Variants in SLIT2 observed in about 807,000 individuals in gnomAD.
SLIT2 encodes the protein slit homolog 2 protein.
Under a neutral mutation model 185.7 loss-of-function variants are expected in SLIT2, and 41 were observed. That is an observed-to-expected ratio of 0.22 (90% CI 0.17 to 0.29). The LOEUF is 0.29. Ranked by LOEUF, SLIT2 falls within the 10% of genes least tolerant of loss-of-function variation. The pLI, the probability that SLIT2 is intolerant of heterozygous loss-of-function variation, is 1.00. For synonymous variants in SLIT2, 693 were observed against 680.2 expected, an observed-to-expected ratio of 1.02 and a Z score of -0.29; for missense variants, 1,571 against 1,909.0, an observed-to-expected ratio of 0.82 and a Z score of 3.30.
chr4:20,472,572 A>ATATATC (rs1223064343), intron 5 of SLIT2, among the ~76,000 whole-genome samples: 2 of 19,178 alleles, frequency 1.0e-4, no homozygotes, highest in Non-Finnish European at 1.5e-4. Context: ...ATCTATATAT[A>ATATATC]GATATATCTA....
intron 34 of SLIT2, among the ~76,000 whole-genome samples, chr4:20,613,649 A>G (rs1729416119): frequency 6.6e-6 from 1 of 152,014 alleles, no homozygotes; most frequent in South Asian, 2.1e-4. Flanking sequence ...CACATAATAC[A>G]CTGTTGGTGG....
intron 4 of SLIT2, among the ~76,000 whole-genome samples, chr4:20,391,208 G>C (rs1725387577): frequency 6.6e-6 from 1 of 151,894 alleles, no homozygotes; most frequent in Non-Finnish European, 1.5e-5. Flanking sequence ...GTTTCTCCAG[G>C]CTTCTCTGGT....
chr4:20,384,948 T>C (rs914708737), intron 4 of SLIT2, among the ~76,000 whole-genome samples: 2 of 152,172 alleles, frequency 1.3e-5, no homozygotes, highest in African/African-American at 4.8e-5. Context: ...GCATCAAAAA[T>C]TGGAATGCCG....
chr4:20,522,880 G>A (rs896331237), intron 12 of SLIT2, among the ~76,000 whole-genome samples: 2 of 152,092 alleles, frequency 1.3e-5, no homozygotes, highest in African/African-American at 4.8e-5. Context: ...TAGACATATG[G>A]ATGATTTACT....
intron 33 of SLIT2, among the ~76,000 whole-genome samples, chr4:20,607,993 G>C (rs932140639): frequency 9.2e-5 from 14 of 151,978 alleles, no homozygotes; most frequent in African/African-American, 3.4e-4. Flanking sequence ...ATTTCTGCCA[G>C]CCTTTAACAT....
chr4:20,437,968 C>G (rs1729471600), intron 4 of SLIT2, among the ~76,000 whole-genome samples: 1 of 151,502 alleles, frequency 6.6e-6, no homozygotes. Flanking sequence ...TGACTCCCCT[C>G]TTTACCTCAT....
At chr4:20,467,960 A>C (rs933967101) in intron 5 of SLIT2, 137 bp downstream of exon 5, 3 of 462,908 alleles carry the variant, frequency 6.5e-6, no homozygotes, top group Middle Eastern at 5.7e-4. Flanking sequence ...ACCTTGTAAC[A>C]GTAAGTTGTC....
chr4:20,506,359 ACTAT>A (rs1173252875), intron 9 of SLIT2, among the ~76,000 whole-genome samples: 2 of 152,020 alleles, frequency 1.3e-5, no homozygotes, highest in African/African-American at 4.8e-5. Context: ...TAGCGATTAT[ACTAT>A]CTATTTTTGG....
intron 25 of SLIT2, chr4:20,552,463 T>C (rs1723852915): frequency 6.6e-6 from 1 of 151,976 alleles, no homozygotes; most frequent in Admixed American, 6.6e-5. Flanking sequence ...CAGGTTTGTT[T>C]GTGCCTTGTC....
At chr4:20,611,475 A>G (rs919684144) in intron 34 of SLIT2, among the ~76,000 whole-genome samples, 13 of 152,372 alleles carry the variant, frequency 8.5e-5, no homozygotes, top group South Asian at 4.1e-4. Context: ...CTAAAAAGTC[A>G]AGAATGCAGA....
intron 34 of SLIT2, chr4:20,614,836 C>T (rs1346959892): frequency 6.6e-6 from 1 of 151,614 alleles, no homozygotes; most frequent in African/African-American, 2.4e-5. Flanking sequence ...AGACCTAGCA[C>T]GTGAAAAGAT....
At chr4:20,449,711 A>T (rs1401938427) in intron 4 of SLIT2, among the ~76,000 whole-genome samples, 2 of 152,128 alleles carry the variant, frequency 1.3e-5, no homozygotes, top group Non-Finnish European at 2.9e-5. Context: ...CCGGCCAAAA[A>T]AACATTTTTT....
chr4:20,316,679 A>G lies in SLIT2; in HGVS notation c.395+47798A>G, dbSNP rs554010856. Among the ~76,000 whole-genome samples, 5 of 151,662 alleles carry G rather than the reference A, an allele frequency of 3.3e-5. No homozygotes were observed. In the South Asian group the frequency reaches 6.2e-4, roughly 19 times the overall value. On this transcript the variant is annotated intron_variant, in intron 4 of 36. Coordinates refer to ENST00000504154, the MANE Select transcript of SLIT2 (RefSeq NM_004787.4). ...TGTTTTATATATTTGTAGTGTATCTATATACTCATATGTGAGAAATATGAT... is the reference window on the plus strand; with the variant it reads ...TGTTTTATATATTTGTAGTGTATCTGTATACTCATATGTGAGAAATATGAT...
chr4:20,528,416 T>C lies in SLIT2; in HGVS notation c.1463-533T>C. On this transcript the variant is annotated intron_variant, in intron 15 of 36. Coordinates refer to ENST00000504154, the MANE Select transcript of SLIT2 (RefSeq NM_004787.4). The surrounding 1 kb of genome is among the most constrained non-coding windows in gnomAD (Gnocchi z 4.2). The stretch of plus-strand genomic sequence containing the variant: ...CAAGCTGCTGAGGCTTAAATCAGGA[T>C]TTTCCTGTCTCTTTCTACAAAATCA... 2 of 512,258 alleles carry C rather than the reference T, an allele frequency of 3.9e-6. No individual in the cohort carries two copies. The highest frequency in any genetic ancestry group is 2.9e-5 in the South Asian group (2 of 68,198). 31.7% of individuals were successfully genotyped at this position (512,258 alleles called of 1,614,324 possible).
chr4:20,464,574 A>G (rs892473839), intron 4 of SLIT2, among the ~76,000 whole-genome samples: 1 of 152,136 alleles, frequency 6.6e-6, no homozygotes, highest in East Asian at 1.9e-4. Flanking sequence ...AGTTCACAGA[A>G]CAGCACACTG....
At chr4:20,266,879 A>C (rs1199433015) in intron 3 of SLIT2, among the ~76,000 whole-genome samples, 4 of 152,032 alleles carry the variant, frequency 2.6e-5, no homozygotes, top group Admixed American at 2.0e-4. Flanking sequence ...CACCATTTGG[A>C]GAAAAGGAGA....
In SLIT2 at chr4:20,472,592, A is replaced by ATATC. The variant is rs1203519035; in HGVS notation, c.467+4772_467+4773insCTAT. ...TATATAGATATATCTATATATAGAT[A>ATATC]TATATCTATAGATATATCTATATAT... On this transcript the variant is annotated intron_variant, in intron 5 of 36. Transcript: ENST00000504154. Among the ~76,000 whole-genome samples the ATATC allele has an allele frequency of 3.1e-3, 60 of 19,404 alleles. 22 individuals carry two copies. The highest frequency in any genetic ancestry group is 4.1e-3 in the Non-Finnish European group (52 of 12,716). 12.7% of individuals were successfully genotyped at this position (19,404 alleles called of 152,430 possible).
intron 4 of SLIT2, among the ~76,000 whole-genome samples, chr4:20,377,823 G>A (rs914899900): frequency 6.6e-6 from 1 of 152,112 alleles, no homozygotes; most frequent in Admixed American, 6.6e-5. Context: ...AATAGGTGTG[G>A]TATCTGTAAT....
chr4:20,550,957 G>C, intron 25 of SLIT2, 59 bp downstream of exon 25: 1 of 900,028 alleles, frequency 1.1e-6, no homozygotes, highest in Non-Finnish European at 1.8e-6. Flanking sequence ...TGAGTGACTT[G>C]GAACATTCCT....
Sources: gnomAD v4.1 joint callset for allele counts (sites outside exome capture counted in the v4.1 genomes callset) on GRCh38, gnomAD v4.1.1 for gene constraint, Gnocchi (gnomAD v3.1) non-coding constraint, MANE v1.5 for transcripts, NCBI Gene and HGNC (gene_info 2026-07-23, HGNC 2026-07-21) for gene names.